The following RNF220 variants were observed in gnomAD, a reference collection of about 807,000 sequenced individuals.
RNF220 encodes the protein E3 ubiquitin-protein ligase RNF220.
In RNF220, 7 loss-of-function variants were observed where a neutral mutation model predicts 67.1. The ratio of observed to expected loss-of-function variants is 0.10; its 90% CI spans 0.06 to 0.20. RNF220 has a LOEUF of 0.20. Among genes scored for constraint, RNF220 ranks in the 10% least tolerant of loss-of-function variants. The pLI is 1.00. For missense variants in RNF220, 565 were observed against 740.3 expected (o/e 0.76, Z 2.75); for synonymous variants, 270 against 283.2 (o/e 0.95, Z 0.47).
chr1:44,568,683 C>A (rs989529859), intron 2 of RNF220, among the ~76,000 whole-genome samples: 1 of 152,170 alleles, frequency 6.6e-6, no homozygotes, highest in African/African-American at 2.4e-5. Context: ...GATGGAGTTG[C>A]GAAGGCAGGA....
intron 2 of RNF220, among the ~76,000 whole-genome samples, chr1:44,537,132 CCTT>C (rs1661294602): frequency 1.3e-5 from 2 of 152,036 alleles, no homozygotes; most frequent in African/African-American, 4.8e-5. Context: ...CTCTGTCTTG[CCTT>C]CTTCTTTCTC....
chr1:44,576,733 A>G (rs1018364562), intron 2 of RNF220, among the ~76,000 whole-genome samples: 4 of 152,218 alleles, frequency 2.6e-5, no homozygotes, highest in African/African-American at 4.8e-5. Context: ...GGGGGAAAAA[A>G]GCTGAGTAAA....
chr1:44,623,361 G>A (rs1643867056), intron 4 of RNF220, among the ~76,000 whole-genome samples: 2 of 152,204 alleles, frequency 1.3e-5, no homozygotes, highest in Non-Finnish European at 2.9e-5. Flanking sequence ...TGGAGAAAGG[G>A]AAAGTGAAGA....
intron 8 of RNF220, among the ~76,000 whole-genome samples, chr1:44,639,456 G>T (rs1644425679): frequency 6.6e-6 from 1 of 152,210 alleles, no homozygotes; most frequent in Non-Finnish European, 1.5e-5. Flanking sequence ...GCACAAGAGT[G>T]GTGAGATGGA....
chr1:44,540,475 A>G (rs540396596), intron 2 of RNF220, among the ~76,000 whole-genome samples: 1 of 152,314 alleles, frequency 6.6e-6, no homozygotes, highest in South Asian at 2.1e-4. Context: ...ATTAGAAAAA[A>G]CAAATATTAT....
At chr1:44,572,273 C>T (rs1412814686) in intron 2 of RNF220, among the ~76,000 whole-genome samples, 1 of 152,212 alleles carries the variant, frequency 6.6e-6, no homozygotes, top group Non-Finnish European at 1.5e-5. Context: ...CAGAAATCAT[C>T]TCATTCATCT....
intron 2 of RNF220, among the ~76,000 whole-genome samples, chr1:44,438,836 T>G (rs1488321200): frequency 6.6e-6 from 1 of 152,260 alleles, no homozygotes; most frequent in African/African-American, 2.4e-5. Context: ...TAGATCAGTG[T>G]GTTTTGATAT....
chr1:44,533,607 G>A (rs1210209811), intron 2 of RNF220, among the ~76,000 whole-genome samples: 2 of 152,180 alleles, frequency 1.3e-5, no homozygotes, highest in South Asian at 2.1e-4. Flanking sequence ...TGAGTTGCAG[G>A]GACCACAAAG....
intron 2 of RNF220, among the ~76,000 whole-genome samples, chr1:44,516,636 G>A (rs1175323103): frequency 2.0e-5 from 3 of 152,042 alleles, no homozygotes; most frequent in African/African-American, 7.2e-5. Flanking sequence ...AAGATGGGAG[G>A]AAAGTGAAGG....
chr1:44,513,612 G>A (rs1318113035), intron 2 of RNF220, among the ~76,000 whole-genome samples: 1 of 152,248 alleles, frequency 6.6e-6, no homozygotes, highest in Non-Finnish European at 1.5e-5. Flanking sequence ...CCTAATGGCA[G>A]TAATTGGCCC....
At chr1:44,509,560 A>G (rs1658763485) in intron 2 of RNF220, among the ~76,000 whole-genome samples, 1 of 151,078 alleles carries the variant, frequency 6.6e-6, no homozygotes, top group Non-Finnish European at 1.5e-5. Context: ...AAAAAAAAAA[A>G]AAAAGAAATA....
intron 2 of RNF220, among the ~76,000 whole-genome samples, chr1:44,413,860 G>A (rs999690076): frequency 3.3e-5 from 5 of 152,166 alleles, no homozygotes; most frequent in African/African-American, 1.2e-4. Context: ...CTCCCCTGTC[G>A]CCACTGCTTC....
chr1:44,560,676 C>T (rs1194724700), intron 2 of RNF220, among the ~76,000 whole-genome samples: 5 of 152,218 alleles, frequency 3.3e-5, no homozygotes, highest in African/African-American at 1.2e-4. Flanking sequence ...ATTCTCCTGC[C>T]TCAGCCACCC....
intron 2 of RNF220, among the ~76,000 whole-genome samples, chr1:44,507,791 T>C (rs1230874704): frequency 6.6e-6 from 1 of 152,154 alleles, no homozygotes; most frequent in East Asian, 1.9e-4. Flanking sequence ...ACTCTCTTTA[T>C]GAAAGGATCA....
At chr1:44,581,998 C>T (rs903545840) in intron 2 of RNF220, among the ~76,000 whole-genome samples, 6 of 152,244 alleles carry the variant, frequency 3.9e-5, no homozygotes, top group Non-Finnish European at 5.9e-5. Flanking sequence ...TTTCCACATT[C>T]GGCCTGGCCA....
At position 44,606,008 on chromosome 1, in the gene RNF220, C is replaced by A. The variant is rs1014933280; in HGVS notation, c.626-8157C>A. ...GCTAAATACATATCTCTCCCCTGCC[C>A]GCCCTACCCCTACCTCCTCAACCAG... On this transcript the variant is annotated intron_variant, in intron 2 of 14. Coordinates refer to ENST00000361799, the MANE Select transcript of RNF220 (RefSeq NM_018150.4). This position sits in a 1 kb window ranked among gnomAD's most constrained non-coding sequence, Gnocchi z 4.2. 6.6e-6 allele frequency among the ~76,000 whole-genome samples: 1 copy of A among 152,178 alleles called. No homozygotes were observed. The highest frequency in any genetic ancestry group is 1.5e-5 in the Non-Finnish European group (1 of 68,032).
chr1:44,492,331 T>C (rs1484722328), intron 2 of RNF220, among the ~76,000 whole-genome samples: 1 of 152,194 alleles, frequency 6.6e-6, no homozygotes, highest in Non-Finnish European at 1.5e-5. Flanking sequence ...TGTAAAATAG[T>C]GTAACCACTT....
chr1:44,488,707 C>T (rs576533381), intron 2 of RNF220, among the ~76,000 whole-genome samples: 11 of 150,982 alleles, frequency 7.3e-5, no homozygotes, highest in East Asian at 2.0e-4. Flanking sequence ...TAGTACTTAG[C>T]CTTTTTCTTT....
intron 2 of RNF220, among the ~76,000 whole-genome samples, chr1:44,518,900 A>C (rs1364305002): frequency 2.0e-5 from 3 of 152,034 alleles, no homozygotes. Flanking sequence ...AAAAAAAAAA[A>C]AACTTAATCC....
Sources: gnomAD v4.1 joint callset for allele counts (sites outside exome capture counted in the v4.1 genomes callset) on GRCh38, gnomAD v4.1.1 for gene constraint, Gnocchi (gnomAD v3.1) non-coding constraint, MANE v1.5 for transcripts, NCBI Gene and HGNC (gene_info 2026-07-23, HGNC 2026-07-21) for gene names.